The following AGBL4 variants were observed in gnomAD, a reference collection of about 807,000 sequenced individuals.
AGBL4 encodes AGBL carboxypeptidase 4.
A neutral mutation model predicts 66.4 loss-of-function variants in AGBL4; 58 were observed. That is an observed-to-expected ratio of 0.87 (90% CI 0.71 to 1.09). The LOEUF (loss-of-function observed/expected upper bound fraction) is 1.09, where lower values mean the gene tolerates loss of function less well. Among genes scored for constraint, AGBL4 ranks in the 50% least tolerant of loss-of-function variants. AGBL4 has a pLI of 0.00. For missense variants in AGBL4, 579 were observed against 631.0 expected (o/e 0.92, Z 0.88); for synonymous variants, 234 against 222.9 (o/e 1.05, Z -0.44).
In AGBL4 at chr1:49,258,634, C is replaced by G. The variant is rs1652784407; in HGVS notation, c.283-12770G>C. ...AAGAATAAAAAGAAACAAACAAAGC[C>G]TCCAAGAAATATGGGACTATGTGAA... On this transcript the variant is annotated intron_variant, in intron 3 of 13. Transcript: ENST00000371839. Among the ~76,000 whole-genome samples, 4 of 152,272 alleles carry G rather than the reference C, an allele frequency of 2.6e-5. No homozygotes were observed. The South Asian group carries it at 8.3e-4, about 32-fold the overall frequency.
chr1:49,606,352 C>T (rs1046084972), intron 3 of AGBL4, among the ~76,000 whole-genome samples: 2 of 152,082 alleles, frequency 1.3e-5, no homozygotes, highest in Non-Finnish European at 2.9e-5. Flanking sequence ...CCTGAGCAAT[C>T]GAAAGCACTT....
intron 6 of AGBL4, among the ~76,000 whole-genome samples, chr1:48,698,329 G>A (rs1646747087): frequency 6.6e-6 from 1 of 152,220 alleles, no homozygotes; most frequent in African/African-American, 2.4e-5. Flanking sequence ...GCCTGGCAGG[G>A]AGATGAGAAG....
At chr1:49,275,290 A>C (rs1468913097) in intron 3 of AGBL4, among the ~76,000 whole-genome samples, 2 of 152,150 alleles carry the variant, frequency 1.3e-5, no homozygotes, top group South Asian at 4.1e-4. Context: ...AAAATATATC[A>C]CTTTCTGACA....
chr1:49,016,496 G>A (rs1165784062), intron 5 of AGBL4, among the ~76,000 whole-genome samples: 1 of 152,146 alleles, frequency 6.6e-6, no homozygotes, highest in Non-Finnish European at 1.5e-5. Flanking sequence ...AGTCACTTGA[G>A]AGTGCCGGAG....
intron 3 of AGBL4, among the ~76,000 whole-genome samples, chr1:49,310,938 T>G (rs890494710): frequency 3.3e-4 from 50 of 151,790 alleles, no homozygotes; most frequent in Non-Finnish European, 2.4e-4. Flanking sequence ...AGTTGGGGAG[T>G]TGGGATTTAA....
At chr1:49,556,270 A>G (rs563407508) in intron 3 of AGBL4, among the ~76,000 whole-genome samples, 2 of 152,214 alleles carry the variant, frequency 1.3e-5, no homozygotes, top group East Asian at 3.9e-4. Flanking sequence ...TCAGCAAACT[A>G]TCACAAGGAC....
chr1:49,784,403 T>C (rs187940645), intron 2 of AGBL4, among the ~76,000 whole-genome samples: 312 of 152,220 alleles, frequency 2.0e-3, no homozygotes, highest in Admixed American at 4.5e-3. Flanking sequence ...CAATGAACTA[T>C]ACTGAAAAAC....
intron 3 of AGBL4, among the ~76,000 whole-genome samples, chr1:49,470,237 C>G (rs1339655235): frequency 6.6e-6 from 1 of 151,826 alleles, no homozygotes; most frequent in Non-Finnish European, 1.5e-5. Context: ...AAAACAATAT[C>G]TATATCAAAT....
At chr1:49,248,270 A>C (rs935475957) in intron 3 of AGBL4, among the ~76,000 whole-genome samples, 1 of 152,222 alleles carries the variant, frequency 6.6e-6, no homozygotes, top group Admixed American at 6.5e-5. Flanking sequence ...CTTCATTCAC[A>C]TTAGAACAAT....
chr1:49,503,217 GTAACT>G (rs1227369079), intron 3 of AGBL4, among the ~76,000 whole-genome samples: 1 of 152,120 alleles, frequency 6.6e-6, no homozygotes, highest in Non-Finnish European at 1.5e-5. Flanking sequence ...CCCAGCCTTA[GTAACT>G]TCCATGTGGT....
At chr1:48,695,424 A>G (rs1192981557) in intron 6 of AGBL4, among the ~76,000 whole-genome samples, 1 of 152,220 alleles carries the variant, frequency 6.6e-6, no homozygotes, top group African/African-American at 2.4e-5. Context: ...TTTAGCCCTA[A>G]TTTCAGTATA....
In AGBL4 at chr1:48,679,761, C is replaced by T. The variant is rs17104641; in HGVS notation, c.635-16520G>A. On this transcript the variant is annotated intron_variant, in intron 6 of 13. Transcript: ENST00000371839. ...ATTAAGTGGCACATCTACATTAGCACGGCACTGGCACAGGTCATGCAGTCA... is the reference window on the plus strand; with the variant it reads ...ATTAAGTGGCACATCTACATTAGCATGGCACTGGCACAGGTCATGCAGTCA... Among the ~76,000 whole-genome samples, 2,705 of 152,338 alleles carry T rather than the reference C, an allele frequency of 0.018. 184 individuals are homozygous for T. In the East Asian group the frequency reaches 0.21, roughly 12 times the overall value.
At chr1:49,511,173 T>C (rs2148783102) in intron 3 of AGBL4, among the ~76,000 whole-genome samples, 1 of 151,898 alleles carries the variant, frequency 6.6e-6, no homozygotes, top group Admixed American at 6.6e-5. Flanking sequence ...TATTGCAGCA[T>C]TATTCACAAT....
intron 3 of AGBL4, among the ~76,000 whole-genome samples, chr1:49,437,355 A>C (rs556685959): frequency 6.6e-6 from 1 of 152,334 alleles, no homozygotes; most frequent in South Asian, 2.1e-4. Context: ...AACATCTAGT[A>C]AATGGGGAGC....
chr1:49,092,287 GATA>G (rs959538088), intron 4 of AGBL4, among the ~76,000 whole-genome samples: 3 of 152,124 alleles, frequency 2.0e-5, no homozygotes, highest in African/African-American at 7.2e-5. Flanking sequence ...TAAGATAAAG[GATA>G]ATGTTTTAGA....
intron 3 of AGBL4, among the ~76,000 whole-genome samples, chr1:49,455,355 T>C (rs2148688765): frequency 6.6e-6 from 1 of 151,846 alleles, no homozygotes; most frequent in Admixed American, 6.6e-5. Context: ...TGAAAATATT[T>C]GTCTAACGGT....
chr1:48,540,957 C>T (rs1644058144), intron 11 of AGBL4, among the ~76,000 whole-genome samples: 1 of 152,204 alleles, frequency 6.6e-6, no homozygotes, highest in South Asian at 2.1e-4. Context: ...CTGAATAAAA[C>T]ACTTCAGTGG....
intron 6 of AGBL4, among the ~76,000 whole-genome samples, chr1:48,825,615 G>A (rs192555706): frequency 1.3e-5 from 2 of 152,114 alleles, no homozygotes; most frequent in East Asian, 1.9e-4. Context: ...TATTTTATTC[G>A]CTCATTGACT....
At chr1:48,852,876 GA>G (rs1242727796) in intron 6 of AGBL4, among the ~76,000 whole-genome samples, 3 of 152,156 alleles carry the variant, frequency 2.0e-5, no homozygotes, top group Admixed American at 6.5e-5. Flanking sequence ...AGGAACCAAA[GA>G]AGTAATACTG....
Sources: gnomAD v4.1 joint callset for allele counts (sites outside exome capture counted in the v4.1 genomes callset) on GRCh38, gnomAD v4.1.1 for gene constraint, MANE v1.5 for transcripts, NCBI Gene and HGNC (gene_info 2026-07-23, HGNC 2026-07-21) for gene names.